RNF167: variants seen among roughly 807,000 people sequenced by gnomAD.
RNF167 encodes E3 ubiquitin-protein ligase RNF167.
A neutral mutation model predicts 34.8 loss-of-function variants in RNF167; 19 were observed. That is an observed-to-expected ratio of 0.55 (90% CI 0.38 to 0.80). The LOEUF (loss-of-function observed/expected upper bound fraction) is 0.80. Ranked by LOEUF, RNF167 falls within the 30% of genes least tolerant of loss-of-function variation. The pLI, the probability that RNF167 is intolerant of heterozygous loss-of-function variation, is 0.00. For missense variants in RNF167, 464 were observed against 447.0 expected, an observed-to-expected ratio of 1.04 and a Z score of -0.34; for synonymous variants, 200 against 170.4, an observed-to-expected ratio of 1.17 and a Z score of -1.35.
intron 8 of RNF167, among the ~76,000 whole-genome samples, chr17:4,944,161 T>C (rs1187542084): frequency 2.6e-5 from 4 of 152,190 alleles, no homozygotes; most frequent in African/African-American, 9.7e-5. Flanking sequence ...ACTTTGCTTA[T>C]AGGGGATGTG....
chr17:4,943,836 A>G (rs1251790144), intron 8 of RNF167, among the ~76,000 whole-genome samples: 1 of 152,182 alleles, frequency 6.6e-6, no homozygotes, highest in Non-Finnish European at 1.5e-5. Flanking sequence ...TCTATAAAAA[A>G]ATAAAATTAG....
rs767036458 is a variant in RNF167 at position 4,944,536 on chromosome 17, GATT to G, written c.671-18_671-16del. On this transcript the variant is annotated intron_variant, in intron 8 of 9. Coordinates refer to ENST00000262482, the MANE Select transcript of RNF167 (RefSeq NM_015528.3). ...GTCATTGTGGCTCAGTGAAGGACTAGATTATTTTCTTTCTGTCCCAGGAGACCA... is the reference window on the plus strand; with the variant it reads ...GTCATTGTGGCTCAGTGAAGGACTAGATTTTCTTTCTGTCCCAGGAGACCA... 6.4e-6 allele frequency: 10 copies of G among 1,558,220 alleles called. No homozygotes were observed. The highest frequency in any genetic ancestry group is 2.3e-5 in the East Asian group (1 of 44,358).
intron 3 of RNF167, 84 bp downstream of exon 3, chr17:4,941,241 C>T (rs1165617136): frequency 1.6e-6 from 2 of 1,276,360 alleles, no homozygotes; most frequent in South Asian, 1.3e-5. Context: ...TCGCAAGATC[C>T]TCCATCCTAG....
Position 4,944,948 on chromosome 17 carries a change from C to G in RNF167, c.985C>G (p.Leu329Val), listed in dbSNP as rs765050862. The G allele has an allele frequency of 6.2e-7, 1 of 1,604,300 alleles. No individual in the cohort carries two copies. The highest frequency in any genetic ancestry group is 1.1e-5 in the South Asian group (1 of 89,928). Residue 329 changes from leucine (L) to valine (V), a missense_variant, in exon 10 of 10, where the codon CTT (leucine) becomes GTT (valine). Physicochemically the swap from Leu to Val is conservative, Grantham distance 32 (BLOSUM62 1). Transcript: ENST00000262482. Reference protein sequence around the residue: ...TSFGSLAPAPLVFPGPSTDPP... With the variant: ...TSFGSLAPAPVVFPGPSTDPP... ...CTTTGGTTCCTTAGCCCCAGCTCCC[C>G]TTGTTTTTCCTGGGCCTTCAACAGA...
chr17:4,940,356 G>C lies in RNF167; in HGVS notation c.-428G>C, dbSNP rs1188754672. 1 of 162,764 alleles carries C rather than the reference G, an allele frequency of 6.1e-6. No homozygotes were observed. Among genetic ancestry groups the C allele is most frequent in the Non-Finnish European group, 1.3e-5 (1 of 75,514 alleles). The allele number at this position is 162,764 out of a possible 1,614,324, so 10.1% of individuals were successfully genotyped here. On this transcript the variant is annotated 5_prime_UTR_variant, in exon 1 of 10. Transcript: ENST00000262482. ...AAGGAGCGGCGGAGGCCAGAGGGAG[G>C]AGAGGTTTGTAAACTAGGAGGCTCC...
chr17:4,945,035 C>CCTCTGGTGACCTATTTGCACAGACCGT lies in RNF167; in HGVS notation c.*21_*47dup. 6.6e-7 allele frequency: 1 copy of CCTCTGGTGACCTATTTGCACAGACCGT among 1,513,162 alleles called. No individual in the cohort carries two copies. The highest frequency in any genetic ancestry group is 1.3e-5 in the South Asian group (1 of 75,624). The allele number at this position is 1,513,162 out of a possible 1,614,324, so 93.7% of individuals were successfully genotyped here. ...GGTCTAATAACCCCCCACACATACA[C>CCTCTGGTGACCTATTTGCACAGACCGT]CTCTGGTGACCTATTTGCACAGACC... On this transcript the variant is annotated 3_prime_UTR_variant, in exon 10 of 10. Transcript: ENST00000262482.
Position 4,945,110 on chromosome 17 carries a change from C to T in RNF167, c.*94C>T, listed in dbSNP as rs1971286918. The T allele has an allele frequency of 1.4e-5, 17 of 1,196,130 alleles. 1 individual carries two copies. Among genetic ancestry groups the T allele is most frequent in the Middle Eastern group, 2.4e-4 (1 of 4,120 alleles). The allele number at this position is 1,196,130 out of a possible 1,614,324, so 74.1% of individuals were successfully genotyped here. ...GGGATAGGGGACATTCCATCCCAAG[C>T]TTCTCCCTTACCCACACCTATCCTT... On this transcript the variant is annotated 3_prime_UTR_variant, in exon 10 of 10. Transcript: ENST00000262482.
rs112504373 is a variant in RNF167 at position 4,945,132 on chromosome 17, C to T, written c.*116C>T. 1.7e-3 allele frequency: 1,652 copies of T among 954,198 alleles called. 28 individuals carry two copies. In the African/African-American group the frequency reaches 0.023, roughly 13 times the overall value. 59.1% of individuals were successfully genotyped at this position (954,198 alleles called of 1,614,324 possible). A position where few individuals can be genotyped will look rare whatever the true frequency, so the allele number is the denominator to read the frequency against. On this transcript the variant is annotated 3_prime_UTR_variant, in exon 10 of 10. Coordinates refer to ENST00000262482, the MANE Select transcript of RNF167 (RefSeq NM_015528.3). ...AAGCTTCTCCCTTACCCACACCTATCCTTTTGAGGGGCTTTGGGGTGGAGC... is the reference window on the plus strand; with the variant it reads ...AAGCTTCTCCCTTACCCACACCTATTCTTTTGAGGGGCTTTGGGGTGGAGC...
chr17:4,945,104 C>A lies in RNF167; in HGVS notation c.*88C>A. 1 of 1,246,650 alleles carries A rather than the reference C, an allele frequency of 8.0e-7. No individual in the cohort carries two copies. The highest frequency in any genetic ancestry group is 2.3e-4 in the Middle Eastern group (1 of 4,372). The allele number at this position is 1,246,650 out of a possible 1,614,324, so 77.2% of individuals were successfully genotyped here. A position where few individuals can be genotyped will look rare whatever the true frequency, so the allele number is the denominator to read the frequency against. On this transcript the variant is annotated 3_prime_UTR_variant, in exon 10 of 10. Transcript: ENST00000262482. The stretch of plus-strand genomic sequence containing the variant: ...TTCTGAGGGATAGGGGACATTCCAT[C>A]CCAAGCTTCTCCCTTACCCACACCT...
chr17:4,944,153 T>C (rs1198636936), intron 8 of RNF167, among the ~76,000 whole-genome samples: 1 of 152,160 alleles, frequency 6.6e-6, no homozygotes, highest in Non-Finnish European at 1.5e-5. Flanking sequence ...AGGGATAGAC[T>C]TTGCTTATAG....
In RNF167 at chr17:4,942,341, G is replaced by T; in HGVS notation, c.166G>T (p.Gly56Trp). The change falls in exon 4 of 10, where the codon GGG (glycine) becomes TGG (tryptophan). Residue 56 changes from glycine to tryptophan, a missense_variant and splice_region_variant. Coordinates refer to ENST00000262482, the MANE Select transcript of RNF167 (RefSeq NM_015528.3). ...GATLSQEGLQ[G>W]FLVEAHPDNA... ...ACTGTTGTTTGCTTCCATCCTTCAG[G>T]GGTTCCTTGTGGAGGCTCACCCAGA... 7.4e-6 allele frequency: 12 copies of T among 1,613,614 alleles called. No individual in the cohort carries two copies. The highest frequency in any genetic ancestry group is 1.0e-5 in the Non-Finnish European group (12 of 1,179,990).
rs1298509846 is a variant in RNF167 at position 4,945,193 on chromosome 17, G to A, written c.*177G>A. On this transcript the variant is annotated 3_prime_UTR_variant, in exon 10 of 10. Coordinates refer to ENST00000262482, the MANE Select transcript of RNF167 (RefSeq NM_015528.3). ...AGAGGGACTGGGTCTTCACTTCTTG[G>A]GCTAATAAAATTGTTTCTTTGTGGA... is the stretch of plus-strand genomic sequence containing the variant. 3.7e-6 allele frequency: 2 copies of A among 536,440 alleles called. No homozygotes were observed. The highest frequency in any genetic ancestry group is 3.6e-5 in the Admixed American group (1 of 28,112). 33.2% of individuals were successfully genotyped at this position (536,440 alleles called of 1,614,324 possible).
upstream of RNF167, chr17:4,940,218 C>A (rs1350764917): frequency 7.1e-6 from 2 of 282,736 alleles, no homozygotes; most frequent in Non-Finnish European, 1.3e-5. Flanking sequence ...GTTTGAAGGT[C>A]TCGCGAGATC....
At chr17:4,942,244 A>G in intron 3 of RNF167, 97 bp from the exon 4 acceptor site, 1 of 1,376,708 alleles carries the variant, frequency 7.3e-7, no homozygotes, top group South Asian at 1.2e-5. Flanking sequence ...GTGAGGATAG[A>G]GGATGTGCAG....
chr17:4,942,448 CT>C lies in RNF167; in HGVS notation c.274del (p.Cys92AlafsTer8), dbSNP rs1280870969. On this transcript the variant is annotated frameshift_variant, in exon 4 of 10. Transcript: ENST00000262482. LOFTEE classifies it high-confidence loss of function. ...TTATTGCGCTGCTTCGAAGATTCGA[CT>C]GCAACTTTGACCTCAAGGTTGCTGA... ...VFIALLRRFD[C>X]NFDLKVLNAQ... 1.2e-6 allele frequency: 2 copies of C among 1,614,040 alleles called. No individual in the cohort carries two copies. Among genetic ancestry groups the C allele is most frequent in the African/African-American group, 2.7e-5 (2 of 74,912 alleles).
At chr17:4,943,642 A>G in intron 8 of RNF167, 123 bp downstream of exon 8, 1 of 794,892 alleles carries the variant, frequency 1.3e-6, no homozygotes, top group Non-Finnish European at 2.1e-6. Context: ...ACGTAATCCC[A>G]AGTGCCTCTA....
chr17:4,940,106 A>G (rs1970632760), upstream of RNF167: 1 of 443,918 alleles, frequency 2.3e-6, no homozygotes, highest in South Asian at 5.4e-5. Context: ...CTGAAGGAGG[A>G]GCTTGATGGA....
Position 4,943,231 on chromosome 17 carries a change from A to G in RNF167, c.523A>G (p.Ile175Val), listed in dbSNP as rs1567659526. 6.2e-7 allele frequency: 1 copy of G among 1,613,860 alleles called. No homozygotes were observed. The change falls in exon 7 of 10, where the codon ATC becomes GTC. Residue 175 changes from isoleucine to valine, a missense_variant. Ile to Val is a conservative substitution (Grantham distance 29). Transcript: ENST00000262482. ...DNTFPLGYYL[I>V]PFTGIVGLLV... ...TACCTTCCCCTTGGGCTATTACCTC[A>G]TCCCTTTCACAGGGATTGTGGGACT...
intron 8 of RNF167, among the ~76,000 whole-genome samples, chr17:4,943,936 G>A (rs1023471989): frequency 6.6e-6 from 1 of 152,176 alleles, no homozygotes; most frequent in African/African-American, 2.4e-5. Flanking sequence ...AGGTTGTCGG[G>A]GGCTGAGATT....
Sources: allele counts gnomAD v4.1 joint callset (sites outside exome capture counted in the v4.1 genomes callset), GRCh38; gene constraint gnomAD v4.1.1; transcripts MANE v1.5; gene names NCBI Gene and HGNC (gene_info 2026-07-23, HGNC 2026-07-21).